Variants in ACAA1 observed in about 807,000 individuals in gnomAD.
ACAA1 encodes the protein 3-ketoacyl-CoA thiolase, peroxisomal.
Under a neutral mutation model 48.8 loss-of-function variants are expected in ACAA1, and 44 were observed. The ratio of observed to expected loss-of-function variants is 0.90; its 90% CI spans 0.71 to 1.16. The LOEUF (loss-of-function observed/expected upper bound fraction) is 1.16, where lower values mean the gene tolerates loss of function less well. Among genes scored for constraint, ACAA1 ranks in the 50% most tolerant of loss-of-function variants. ACAA1 has a pLI of 0.00. For synonymous variants in ACAA1, 233 were observed against 226.5 expected, an observed-to-expected ratio of 1.03 and a Z score of -0.26; for missense variants, 512 against 562.3, an observed-to-expected ratio of 0.91 and a Z score of 0.90.
Position 38,133,813 on chromosome 3 carries a change from A to T in ACAA1, c.323+139T>A, listed in dbSNP as rs1700834986. On this transcript the variant is annotated intron_variant, in intron 3 of 11. Coordinates refer to ENST00000333167, the MANE Select transcript of ACAA1 (RefSeq NM_001607.4). ...GTAGGGGAGAGGTTGAGTCCACAAGAGCAGGGAGCCAAGGACTCTCGTTGC... is the reference window on the plus strand; with the variant it reads ...GTAGGGGAGAGGTTGAGTCCACAAGTGCAGGGAGCCAAGGACTCTCGTTGC... 9 of 796,058 alleles carry T rather than the reference A, an allele frequency of 1.1e-5. No homozygotes were observed. The East Asian group carries it at 2.4e-4, about 21-fold the overall frequency. The allele number at this position is 796,058 out of a possible 1,614,324, so 49.3% of individuals were successfully genotyped here.
intron 5 of ACAA1, among the ~76,000 whole-genome samples, chr3:38,130,731 T>C (rs1700769672): frequency 6.6e-6 from 1 of 152,226 alleles, no homozygotes; most frequent in Non-Finnish European, 1.5e-5. Flanking sequence ...GCAGTGGCCT[T>C]TGCCCAGCCA....
At position 38,129,455 on chromosome 3, in the gene ACAA1, G is replaced by T; in HGVS notation, c.447-67C>A. 1 of 1,283,520 alleles carries T rather than the reference G, an allele frequency of 7.8e-7. No homozygotes were observed. The highest frequency in any genetic ancestry group is 1.1e-6 in the Non-Finnish European group (1 of 893,150). 79.5% of individuals were successfully genotyped at this position (1,283,520 alleles called of 1,614,324 possible). A position where few individuals can be genotyped will look rare whatever the true frequency, so the allele number is the denominator to read the frequency against. Reference sequence around the variant, plus strand: ...CCCTAGCAGGACTCCTCCAGAGATAGCTGAACACTTGGCAAGTGCTAGGAA... The same window carrying T: ...CCCTAGCAGGACTCCTCCAGAGATATCTGAACACTTGGCAAGTGCTAGGAA... On this transcript the variant is annotated intron_variant, in intron 5 of 11. Coordinates refer to ENST00000333167, the MANE Select transcript of ACAA1 (RefSeq NM_001607.4). The surrounding 1 kb of genome is among the most constrained non-coding windows in gnomAD (Gnocchi z 5.3).
intron 3 of ACAA1, among the ~76,000 whole-genome samples, chr3:38,133,295 G>A (rs1026293389): frequency 1.3e-5 from 2 of 152,154 alleles, no homozygotes; most frequent in Non-Finnish European, 2.9e-5. Context: ...AGATGAGGCT[G>A]GAAGGTAAGT....
chr3:38,135,365 A>T (rs75089153), intron 2 of ACAA1: 2 of 152,012 alleles, frequency 1.3e-5, no homozygotes, highest in Admixed American at 6.5e-5. Context: ...GGTGCTCAGC[A>T]ATTGAGGACC....
Position 38,131,970 on chromosome 3 carries a change from T to C in ACAA1, c.359A>G (p.Asn120Ser), listed in dbSNP as rs898298981. 6 of 1,613,940 alleles carry C rather than the reference T, an allele frequency of 3.7e-6. No individual in the cohort carries two copies. The highest frequency in any genetic ancestry group is 5.1e-6 in the Non-Finnish European group (6 of 1,179,932). ...CTGTAGCCCCGACGAACACTGTCTA[T>C]TGACAGTGGACAAAGGCACAGTCTC... is the stretch of plus-strand genomic sequence containing the variant. ...IPETVPLSTVNRQCSSGLQAV... is the reference protein window; with the variant it reads ...IPETVPLSTVSRQCSSGLQAV... The change falls in exon 4 of 12, where the codon AAT becomes AGT. Residue 120 changes from asparagine to serine, a missense_variant. Asn to Ser is a conservative substitution (Grantham distance 46, BLOSUM62 1). Transcript: ENST00000333167.
chr3:38,136,972 G>T lies in ACAA1; in HGVS notation c.64C>A (p.Gln22Lys), dbSNP rs866279413. 1.3e-6 allele frequency: 2 copies of T among 1,556,958 alleles called. No homozygotes were observed. Among genetic ancestry groups the T allele is most frequent in the Non-Finnish European group, 8.7e-7 (1 of 1,153,212 alleles). The change falls in exon 1 of 12, where the codon CAG becomes AAG. Residue 22 changes from glutamine to lysine, a missense_variant. Transcript: ENST00000333167. ...GCACCGCTCAGGCAAGGCGCGGCCT[G>T]CGGCATCCAGCCGGAATCGGCCGGA... ...RGPADSGWMP[Q>K]AAPCLSGAPQ...
intron 2 of ACAA1, among the ~76,000 whole-genome samples, chr3:38,134,722 G>A (rs1318670552): frequency 6.6e-6 from 1 of 152,208 alleles, no homozygotes; most frequent in Non-Finnish European, 1.5e-5. Context: ...CTTGGTAAAA[G>A]TCATCGTCAT....
In ACAA1 at chr3:38,126,239, T is replaced by G. The variant is rs767316650; in HGVS notation, c.920A>C (p.Tyr307Ser). 1.2e-5 allele frequency: 20 copies of G among 1,614,038 alleles called. No homozygotes were observed. In the Admixed American group the frequency reaches 2.5e-4, roughly 20 times the overall value. ...GTCAGGTGGGACCCCAACCACTGCA[T>G]AAGACCTCAGGACCCCAAGGATGGG... is the stretch of plus-strand genomic sequence containing the variant. ...GLPILGVLRS[Y>S]AVVGVPPDIM... Residue 307 changes from tyrosine to serine, a missense_variant, in exon 9 of 12, where the codon TAT becomes TCT. Physicochemically the swap from Tyr to Ser is moderately radical, Grantham distance 144 (BLOSUM62 -2). Coordinates refer to ENST00000333167, the MANE Select transcript of ACAA1 (RefSeq NM_001607.4). The surrounding 1 kb of genome is among the most constrained non-coding windows in gnomAD (Gnocchi z 4.7).
Position 38,122,912 on chromosome 3 carries a change from T to TGAA in ACAA1, c.*132_*134dup. 1 of 927,180 alleles carries TGAA rather than the reference T, an allele frequency of 1.1e-6. No individual in the cohort carries two copies. Among genetic ancestry groups the TGAA allele is most frequent in the South Asian group, 1.6e-5 (1 of 64,452 alleles). 57.4% of individuals were successfully genotyped at this position (927,180 alleles called of 1,614,324 possible). On this transcript the variant is annotated 3_prime_UTR_variant, in exon 12 of 12. Transcript: ENST00000333167. ...CAGTGTTCACATTTTCCAAATGAGTTGAAGTGCCTTGATCTGTCCACTGCC... is the reference window on the plus strand; with the variant it reads ...CAGTGTTCACATTTTCCAAATGAGTTGAAGAAGTGCCTTGATCTGTCCACTGCC...
At position 38,129,243 on chromosome 3, in the gene ACAA1, C is replaced by T. The variant is rs1386914512; in HGVS notation, c.545+47G>A. Reference sequence around the variant, plus strand: ...ATGATAAAAGTTCCTTGGCTCCCTGCCCCAGGCAGAGAGGGCACAAGCACA... The same window carrying T: ...ATGATAAAAGTTCCTTGGCTCCCTGTCCCAGGCAGAGAGGGCACAAGCACA... On this transcript the variant is annotated intron_variant, in intron 6 of 11. Coordinates refer to ENST00000333167, the MANE Select transcript of ACAA1 (RefSeq NM_001607.4). This position sits in a 1 kb window ranked among gnomAD's most constrained non-coding sequence, Gnocchi z 5.3. 4 of 1,563,114 alleles carry T rather than the reference C, an allele frequency of 2.6e-6. No individual in the cohort carries two copies. The highest frequency in any genetic ancestry group is 2.3e-5 in the East Asian group (1 of 44,388).
chr3:38,132,039 C>T (rs752402239), intron 3 of ACAA1, 34 bp from the exon 4 acceptor site: 2 of 1,576,844 alleles, frequency 1.3e-6, no homozygotes, highest in South Asian at 1.1e-5. Flanking sequence ...GAATCAGCCC[C>T]CAATTCCATG....
At chr3:38,132,172 G>A (rs925495415) in intron 3 of ACAA1, 167 bp from the exon 4 acceptor site, 5 of 537,020 alleles carry the variant, frequency 9.3e-6, no homozygotes, top group African/African-American at 7.6e-5. Context: ...ATGGGGGTGA[G>A]CAGCTACTGG....
At position 38,125,821 on chromosome 3, in the gene ACAA1, C is replaced by T; in HGVS notation, c.1053+5G>A. ...CAAAGGCAACATTGAGAAACAAGGGCTCACCTGGCTTGCAAAGGCCTCATT... is the reference window on the plus strand; with the variant it reads ...CAAAGGCAACATTGAGAAACAAGGGTTCACCTGGCTTGCAAAGGCCTCATT... On this transcript the variant is annotated splice_donor_5th_base_variant and intron_variant, in intron 10 of 11. Coordinates refer to ENST00000333167, the MANE Select transcript of ACAA1 (RefSeq NM_001607.4). The T allele has an allele frequency of 3.1e-6, 5 of 1,614,228 alleles. No individual in the cohort carries two copies. In the South Asian group the frequency reaches 3.3e-5, roughly 11 times the overall value.
chr3:38,126,106 A>G lies in ACAA1; in HGVS notation c.997+56T>C, dbSNP rs1700676233. On this transcript the variant is annotated intron_variant, in intron 9 of 11. Transcript: ENST00000333167. This position sits in a 1 kb window ranked among gnomAD's most constrained non-coding sequence, Gnocchi z 4.7. ...CCTCATGCCCCTGGCAACAGCATGC[A>G]GGGCAGCTGCAGGATCCAGGTGGGA... 7 of 1,574,954 alleles carry G rather than the reference A, an allele frequency of 4.4e-6. No individual in the cohort carries two copies. In the South Asian group the frequency reaches 5.8e-5, roughly 13 times the overall value.
intron 2 of ACAA1, chr3:38,134,311 T>G (rs1700844739): frequency 2.1e-6 from 1 of 480,558 alleles, no homozygotes. Context: ...AATGGGAGTT[T>G]CTGAAAATGC....
At chr3:38,131,208 A>G (rs1463070845) in intron 5 of ACAA1, among the ~76,000 whole-genome samples, 5 of 152,232 alleles carry the variant, frequency 3.3e-5, no homozygotes, top group Non-Finnish European at 7.3e-5. Flanking sequence ...CAAACTAGTT[A>G]TACAGTAGGC....
Position 38,129,726 on chromosome 3 carries a change from C to A in ACAA1, c.447-338G>T, listed in dbSNP as rs1700748323. ...AGCCACAGAGGAGGAAACACATCCA[C>A]AAGCCAGGGCCTGCCCTCAGGGCCC... On this transcript the variant is annotated intron_variant, in intron 5 of 11. Transcript: ENST00000333167. This position sits in a 1 kb window ranked among gnomAD's most constrained non-coding sequence, Gnocchi z 5.3. Among the ~76,000 whole-genome samples the A allele has an allele frequency of 6.6e-6, 1 of 152,238 alleles. No homozygotes were observed. The highest frequency in any genetic ancestry group is 2.1e-4 in the South Asian group (1 of 4,834).
chr3:38,134,011 T>C lies in ACAA1; in HGVS notation c.266-2A>G. On this transcript the variant is annotated splice_acceptor_variant, in intron 2 of 11. Transcript: ENST00000333167. LOFTEE classifies it high-confidence loss of function. ...CGGCCCCAGGCTGCAGCACATTTCC[T>C]GTGGACAACAAACTTTCATTCAGTG... The C allele has an allele frequency of 1.2e-6, 2 of 1,612,946 alleles. No individual in the cohort carries two copies. Among genetic ancestry groups the C allele is most frequent in the Non-Finnish European group, 1.7e-6 (2 of 1,179,264 alleles).
chr3:38,125,749 C>T (rs776152437), intron 10 of ACAA1, 39 bp from the exon 11 acceptor site: 2 of 1,613,952 alleles, frequency 1.2e-6, no homozygotes, highest in South Asian at 1.1e-5. Flanking sequence ...CCCTCTTACC[C>T]CTCCCCTGCA....
Sources: gnomAD v4.1 joint callset for allele counts (sites outside exome capture counted in the v4.1 genomes callset) on GRCh38, gnomAD v4.1.1 for gene constraint, Gnocchi (gnomAD v3.1) non-coding constraint, MANE v1.5 for transcripts, NCBI Gene and HGNC (gene_info 2026-07-23, HGNC 2026-07-21) for gene names.